Variants in MEI4 observed in about 807,000 individuals in gnomAD.
The protein encoded by MEI4 is meiotic double-stranded break formation protein 4.
Under a neutral mutation model 31.4 loss-of-function variants are expected in MEI4, and 27 were observed. The observed-to-expected ratio is 0.86, with a 90% confidence interval of 0.63 to 1.19. The LOEUF (loss-of-function observed/expected upper bound fraction) is 1.19, where lower values mean the gene tolerates loss of function less well. MEI4 is among the 50% of genes most tolerant of loss of function. The pLI is 0.00. For missense variants in MEI4, 329 were observed against 398.9 expected (o/e 0.82, Z 1.49); for synonymous variants, 122 against 145.4 (o/e 0.84, Z 1.16).
chr6:77,775,153 T>A (rs1267599989), intron 3 of MEI4, among the ~76,000 whole-genome samples: 4 of 152,148 alleles, frequency 2.6e-5, no homozygotes, highest in African/African-American at 9.7e-5. Context: ...TCATCTCAGA[T>A]TCTTAATTTA....
intron 3 of MEI4, among the ~76,000 whole-genome samples, chr6:77,782,969 G>A (rs1265611678): frequency 6.6e-6 from 1 of 152,080 alleles, no homozygotes; most frequent in Non-Finnish European, 1.5e-5. Flanking sequence ...AAAATATGAA[G>A]GGGTTATTAT....
intron 4 of MEI4, among the ~76,000 whole-genome samples, chr6:77,857,328 G>A (rs1770769414): frequency 6.6e-6 from 1 of 152,166 alleles, no homozygotes; most frequent in Non-Finnish European, 1.5e-5. Context: ...GCAGTGGGAA[G>A]GTTTTACTGA....
At chr6:77,743,710 G>A (rs1767488817) in intron 2 of MEI4, among the ~76,000 whole-genome samples, 1 of 152,166 alleles carries the variant, frequency 6.6e-6, no homozygotes, top group South Asian at 2.1e-4. Context: ...CTAACTGGGA[G>A]GCACCCCCCA....
At chr6:77,713,014 T>A (rs2127660592) in intron 2 of MEI4, among the ~76,000 whole-genome samples, 1 of 151,162 alleles carries the variant, frequency 6.6e-6, no homozygotes, top group Middle Eastern at 3.5e-3. Context: ...AGCATTAGGG[T>A]TGCCGAAGAT....
Position 77,926,993 on chromosome 6 carries a change from TAC to T in MEI4, c.*3649_*3650del, listed in dbSNP as rs1189113936. On this transcript the variant is annotated 3_prime_UTR_variant, in exon 5 of 5. Coordinates refer to ENST00000684080, the MANE Select transcript of MEI4 (RefSeq NM_001322247.2). ...GGTCTTGTAAGAACTTTCTAAATAT[TAC>T]AGAGTATTACAAACATAAAAAATAA... 1.3e-5 allele frequency: 2 copies of T among 151,924 alleles called. No individual in the cohort carries two copies. Among genetic ancestry groups the T allele is most frequent in the African/African-American group, 2.4e-5 (1 of 41,428 alleles). The allele number at this position is 151,924 out of a possible 1,614,324, so 9.4% of individuals were successfully genotyped here.
chr6:77,922,536 A>C (rs894650399), intron 4 of MEI4, among the ~76,000 whole-genome samples: 4 of 151,672 alleles, frequency 2.6e-5, no homozygotes, highest in Non-Finnish European at 5.9e-5. Flanking sequence ...TCTATCTCAC[A>C]TTCAACCATC....
At chr6:77,784,390 T>C in intron 3 of MEI4, among the ~76,000 whole-genome samples, 1 of 152,168 alleles carries the variant, frequency 6.6e-6, no homozygotes, top group Non-Finnish European at 1.5e-5. Context: ...CGAGCAGGCA[T>C]CACATGCTAG....
chr6:77,666,878 T>C (rs954792099), intron 1 of MEI4, among the ~76,000 whole-genome samples: 1 of 146,074 alleles, frequency 6.8e-6, no homozygotes, highest in African/African-American at 2.6e-5. Context: ...TGTGTGTGTG[T>C]GTGTGCGTGC....
intron 2 of MEI4, among the ~76,000 whole-genome samples, chr6:77,696,869 A>T (rs572798811): frequency 5.3e-5 from 8 of 152,230 alleles, no homozygotes; most frequent in Non-Finnish European, 7.3e-5. Flanking sequence ...CCTCTGGTAG[A>T]ATTCGGCTGT....
At chr6:77,743,801 C>A (rs571746483) in intron 2 of MEI4, among the ~76,000 whole-genome samples, 2 of 152,154 alleles carry the variant, frequency 1.3e-5, no homozygotes, top group African/African-American at 4.8e-5. Flanking sequence ...CAGCAGCATT[C>A]GTGGTTCACA....
chr6:77,764,383 T>C (rs999364677), intron 3 of MEI4, among the ~76,000 whole-genome samples: 4 of 152,202 alleles, frequency 2.6e-5, no homozygotes, highest in African/African-American at 9.6e-5. Flanking sequence ...TTGTCAATTA[T>C]CTTTTCAAAA....
At position 77,892,074 on chromosome 6, in the gene MEI4, T is replaced by C. The variant is rs577228655; in HGVS notation, c.901-31015T>C. Among the ~76,000 whole-genome samples, 112 of 152,336 alleles carry C rather than the reference T, an allele frequency of 7.4e-4. 1 individual carries two copies. The highest frequency in any genetic ancestry group is 1.2e-3 in the Non-Finnish European group (84 of 68,032). On this transcript the variant is annotated intron_variant, in intron 4 of 4. Coordinates refer to ENST00000684080, the MANE Select transcript of MEI4 (RefSeq NM_001322247.2). ...GTAATATGCCTGGGTGAGCCAGTTCTTGGACTTCCAGGCATATTGCTTGTG... is the reference window on the plus strand; with the variant it reads ...GTAATATGCCTGGGTGAGCCAGTTCCTGGACTTCCAGGCATATTGCTTGTG...
At chr6:77,840,439 T>G (rs1303706725) in intron 4 of MEI4, among the ~76,000 whole-genome samples, 1 of 151,708 alleles carries the variant, frequency 6.6e-6, no homozygotes, top group Non-Finnish European at 1.5e-5. Flanking sequence ...AAAGTATATT[T>G]GAAAATAATG....
At chr6:77,716,445 A>T (rs988623424) in intron 2 of MEI4, among the ~76,000 whole-genome samples, 2 of 152,154 alleles carry the variant, frequency 1.3e-5, no homozygotes, top group African/African-American at 4.8e-5. Context: ...TGCAGTTTTT[A>T]TTGAGGTATT....
intron 2 of MEI4, among the ~76,000 whole-genome samples, chr6:77,751,939 T>A (rs1449587358): frequency 1.3e-5 from 2 of 152,194 alleles, no homozygotes; most frequent in Non-Finnish European, 2.9e-5. Context: ...GTCGGCTTCA[T>A]CCTTGGGATG....
intron 2 of MEI4, among the ~76,000 whole-genome samples, chr6:77,734,090 A>G (rs373372823): frequency 0.032 from 4,855 of 152,060 alleles, 147 homozygotes; most frequent in Non-Finnish European, 0.05. Flanking sequence ...GGTGCTGAAA[A>G]AAATGTATAT....
chr6:77,750,625 T>A (rs1767744601), intron 2 of MEI4, among the ~76,000 whole-genome samples: 1 of 152,032 alleles, frequency 6.6e-6, no homozygotes, highest in Non-Finnish European at 1.5e-5. Flanking sequence ...TAAAGCAAGT[T>A]CTTAGCGACC....
intron 4 of MEI4, among the ~76,000 whole-genome samples, chr6:77,851,691 A>C (rs774218202): frequency 1.3e-5 from 2 of 151,670 alleles, no homozygotes; most frequent in East Asian, 3.9e-4. Flanking sequence ...TAAATGACGA[A>C]TTAATGGATG....
intron 2 of MEI4, among the ~76,000 whole-genome samples, chr6:77,752,818 G>T (rs1407528184): frequency 1.8e-5 from 2 of 113,136 alleles, no homozygotes; most frequent in African/African-American, 2.9e-5. Context: ...TAAGCAAAAA[G>T]ATCAAAGCTG....
Sources: allele counts gnomAD v4.1 joint callset (sites outside exome capture counted in the v4.1 genomes callset), GRCh38; gene constraint gnomAD v4.1.1; transcripts MANE v1.5; gene names NCBI Gene and HGNC (gene_info 2026-07-23, HGNC 2026-07-21).